Variants in FAM120B observed in about 807,000 individuals in gnomAD.
The protein encoded by FAM120B is constitutive coactivator of peroxisome proliferator-activated receptor gamma.
A neutral mutation model predicts 96.3 loss-of-function variants in FAM120B; 83 were observed. The ratio of observed to expected loss-of-function variants is 0.86; its 90% CI spans 0.72 to 1.03. The LOEUF is 1.03. Among genes scored for constraint, FAM120B ranks in the 50% least tolerant of loss-of-function variants. The probability of loss-of-function intolerance (pLI) is 0.00; values close to 1 mark genes in which losing one functional copy is unlikely to be tolerated. For synonymous variants in FAM120B, 407 were observed against 402.7 expected, an observed-to-expected ratio of 1.01 and a Z score of -0.13; for missense variants, 1,027 against 1,121.2, an observed-to-expected ratio of 0.92 and a Z score of 1.20.
intron 7 of FAM120B, 71 bp from the exon 8 acceptor site, chr6:170,390,942 T>A (rs1583307292): frequency 1.6e-6 from 2 of 1,287,068 alleles, no homozygotes; most frequent in East Asian, 4.8e-5. Flanking sequence ...TAAGCTTCCT[T>A]CCAGCCACAT....
At chr6:170,393,992 T>C (rs1419494414) in intron 8 of FAM120B, among the ~76,000 whole-genome samples, 4 of 152,222 alleles carry the variant, frequency 2.6e-5, no homozygotes, top group South Asian at 4.1e-4. Flanking sequence ...TCACCTGTTA[T>C]TCTCAGTGTG....
chr6:170,326,841 G>C (rs1785619343), intron 3 of FAM120B, among the ~76,000 whole-genome samples: 2 of 151,708 alleles, frequency 1.3e-5, no homozygotes, highest in Non-Finnish European at 2.9e-5. Flanking sequence ...AAGGCTGAAG[G>C]GATCCTCCTA....
At chr6:170,321,050 T>C (rs1053452539) in intron 2 of FAM120B, among the ~76,000 whole-genome samples, 1 of 152,122 alleles carries the variant, frequency 6.6e-6, no homozygotes, top group Non-Finnish European at 1.5e-5. Context: ...AGAGACTTTG[T>C]TGGGGAAGGC....
chr6:170,305,774 G>A (rs889210750), upstream of FAM120B, among the ~76,000 whole-genome samples: 3 of 152,214 alleles, frequency 2.0e-5, no homozygotes, highest in African/African-American at 7.2e-5. Flanking sequence ...TAGAGAAAAA[G>A]GCGGAACTGC....
intron 6 of FAM120B, among the ~76,000 whole-genome samples, chr6:170,367,517 GT>G (rs1476158829): frequency 6.6e-6 from 1 of 152,244 alleles, no homozygotes; most frequent in African/African-American, 2.4e-5. Flanking sequence ...AAAGCCAAAA[GT>G]GTTTCCATCT....
chr6:170,315,258 T>C (rs1039555158), intron 1 of FAM120B, among the ~76,000 whole-genome samples: 3 of 152,216 alleles, frequency 2.0e-5, no homozygotes, highest in Admixed American at 6.5e-5. Context: ...ATGCAAGGCC[T>C]GTTTAAATTA....
At chr6:170,362,248 C>A (rs1358877649) in intron 6 of FAM120B, among the ~76,000 whole-genome samples, 1 of 152,122 alleles carries the variant, frequency 6.6e-6, no homozygotes, top group East Asian at 1.9e-4. Context: ...CCCTCAGTAC[C>A]CTGCTTATTG....
At chr6:170,294,689 C>T (rs1783958354), upstream of FAM120B, among the ~76,000 whole-genome samples, 1 of 152,220 alleles carries the variant, frequency 6.6e-6, no homozygotes, top group South Asian at 2.1e-4. This position sits in a 1 kb window ranked among gnomAD's most constrained non-coding sequence, Gnocchi z 7.9. Context: ...TCTCCAGGTT[C>T]GTGTGTGGTG....
Position 170,295,696 on chromosome 6 carries a change from G to A in FAM120B, c.48+243G>A, listed in dbSNP as rs1452633027. Among the ~76,000 whole-genome samples the A allele has an allele frequency of 6.6e-6, 1 of 152,126 alleles. No individual in the cohort carries two copies. Among genetic ancestry groups the A allele is most frequent in the Non-Finnish European group, 1.5e-5 (1 of 67,996 alleles). On this transcript the variant is annotated intron_variant, in intron 1 of 10. Transcript: ENST00000537664. The surrounding 1 kb of genome is among the most constrained non-coding windows in gnomAD (Gnocchi z 7.8). ...TTCCCCGGTGCGGCCGGGTCCCGGC[G>A]CCACACGCCCTTTTCCTTTCTCAGG...
Position 170,328,726 on chromosome 6 carries a change from T to C in FAM120B, c.1916-1723T>C, listed in dbSNP as rs563180201. Among the ~76,000 whole-genome samples, 5 of 152,360 alleles carry C rather than the reference T, an allele frequency of 3.3e-5. No individual in the cohort carries two copies. The South Asian group carries it at 1.0e-3, about 32-fold the overall frequency. ...AGATTTTGTCTTTCTCAATCTCTTT[T>C]GCCTCTTCCTCTGGGCCATTTGTTG... On this transcript the variant is annotated intron_variant, in intron 3 of 10. Coordinates refer to ENST00000476287, the MANE Select transcript of FAM120B (RefSeq NM_032448.3).
intron 3 of FAM120B, among the ~76,000 whole-genome samples, chr6:170,326,711 A>G (rs1480492737): frequency 6.6e-6 from 1 of 152,156 alleles, no homozygotes; most frequent in African/African-American, 2.4e-5. Flanking sequence ...CAATTTTCCC[A>G]TGTGACAGAA....
intron 9 of FAM120B, among the ~76,000 whole-genome samples, chr6:170,398,093 G>C (rs866886872): frequency 1.3e-5 from 2 of 152,248 alleles, no homozygotes; most frequent in African/African-American, 4.8e-5. Context: ...GGGTTCTGCA[G>C]ACAGGTGTGC....
intron 4 of FAM120B, among the ~76,000 whole-genome samples, chr6:170,337,324 G>A (rs546847756): frequency 6.6e-6 from 1 of 152,296 alleles, no homozygotes; most frequent in Non-Finnish European, 1.5e-5. Context: ...TTATGTGATT[G>A]ATTACGCTTA....
At chr6:170,337,225 G>A (rs1786494677) in intron 4 of FAM120B, among the ~76,000 whole-genome samples, 1 of 152,100 alleles carries the variant, frequency 6.6e-6, no homozygotes, top group African/African-American at 2.4e-5. Flanking sequence ...CCTAGTTACT[G>A]GGAGTTTTTA....
chr6:170,389,980 A>G (rs1335643803), intron 7 of FAM120B, among the ~76,000 whole-genome samples: 1 of 152,146 alleles, frequency 6.6e-6, no homozygotes, highest in South Asian at 2.1e-4. Context: ...AAAGGCTGCC[A>G]ATTTAGTTGG....
chr6:170,383,610 G>T (rs987822792), intron 6 of FAM120B, among the ~76,000 whole-genome samples: 21 of 152,176 alleles, frequency 1.4e-4, no homozygotes, highest in African/African-American at 5.1e-4. Context: ...ACTACACACG[G>T]ATTAGAGCAG....
At chr6:170,298,134 A>C (rs532846401) in intron 1 of FAM120B, 209 of 152,346 alleles carry the variant, frequency 1.4e-3, no homozygotes, top group African/African-American at 4.8e-3. Flanking sequence ...CAGTTTAAAC[A>C]AACCAAGCTC....
intron 8 of FAM120B, among the ~76,000 whole-genome samples, chr6:170,394,026 G>A (rs1790602205): frequency 6.6e-6 from 1 of 152,200 alleles, no homozygotes; most frequent in Non-Finnish European, 1.5e-5. Context: ...TCATGCTGGA[G>A]GTGAGCTGGA....
chr6:170,355,224 C>G (rs1787828730), intron 5 of FAM120B, among the ~76,000 whole-genome samples: 2 of 152,144 alleles, frequency 1.3e-5, no homozygotes, highest in South Asian at 4.2e-4. Context: ...TTGAATCTAC[C>G]CAAAGGAATA....
Sources: allele counts gnomAD v4.1 joint callset (sites outside exome capture counted in the v4.1 genomes callset), GRCh38; gene constraint gnomAD v4.1.1; non-coding constraint Gnocchi (gnomAD v3.1); transcripts MANE v1.5; gene names NCBI Gene and HGNC (gene_info 2026-07-23, HGNC 2026-07-21).